PTPRD: variants seen among roughly 807,000 people sequenced by gnomAD.
PTPRD encodes receptor-type tyrosine-protein phosphatase delta.
A neutral mutation model predicts 214.5 loss-of-function variants in PTPRD; 34 were observed. The observed-to-expected ratio is 0.16, with a 90% confidence interval of 0.12 to 0.21. The LOEUF is 0.21. Ranked by LOEUF, PTPRD falls within the 10% of genes least tolerant of loss-of-function variation. The pLI is 1.00. For missense variants in PTPRD, 2,545 were observed against 2,398.7 expected (o/e 1.06, Z -1.27); for synonymous variants, 1,128 against 845.7 (o/e 1.33, Z -5.79).
At chr9:8,659,683 A>G (rs912159359) in intron 12 of PTPRD, among the ~76,000 whole-genome samples, 6 of 152,236 alleles carry the variant, frequency 3.9e-5, no homozygotes, top group Non-Finnish European at 5.9e-5. Context: ...AAAAGGAAGG[A>G]AATCCTTAAA....
chr9:10,330,296 G>T (rs1321451971), intron 3 of PTPRD, among the ~76,000 whole-genome samples: 1 of 151,730 alleles, frequency 6.6e-6, no homozygotes, highest in Non-Finnish European at 1.5e-5. Context: ...GCTGTTAGAG[G>T]AAAAATAATA....
intron 7 of PTPRD, among the ~76,000 whole-genome samples, chr9:9,728,191 G>A (rs533899790): frequency 1.3e-5 from 2 of 152,210 alleles, no homozygotes; most frequent in East Asian, 3.9e-4. Context: ...CTGGAACTGT[G>A]AGCCCATTAA....
At chr9:10,035,352 A>C (rs2097160934) in intron 3 of PTPRD, among the ~76,000 whole-genome samples, 2 of 151,792 alleles carry the variant, frequency 1.3e-5, no homozygotes, top group South Asian at 4.2e-4. Flanking sequence ...TTGTCATAGG[A>C]ATAGTTTGCA....
At chr9:10,585,762 G>C (rs999318964) in intron 2 of PTPRD, among the ~76,000 whole-genome samples, 1 of 151,604 alleles carries the variant, frequency 6.6e-6, no homozygotes, top group Non-Finnish European at 1.5e-5. Context: ...TGTGTGGGGG[G>C]AAAAGGGCCC....
At chr9:8,907,949 C>T (rs1566942758) in intron 11 of PTPRD, among the ~76,000 whole-genome samples, 2 of 152,200 alleles carry the variant, frequency 1.3e-5, no homozygotes, top group East Asian at 3.9e-4. Flanking sequence ...CCAGGAAGCT[C>T]AAGTACCCAC....
In PTPRD at chr9:9,721,043, T is replaced by C. The variant is rs142471628; in HGVS notation, c.-287+13490A>G. On this transcript the variant is annotated intron_variant, in intron 7 of 45. Coordinates refer to ENST00000381196, the MANE Select transcript of PTPRD (RefSeq NM_002839.4). ...AAAAATAACTGTTGGGTACGAGGCT[T>C]AGTACCTAGGTGATAAAATAATCTG... 1.0e-3 allele frequency among the ~76,000 whole-genome samples: 157 copies of C among 152,216 alleles called. 3 individuals are homozygous for C. In the East Asian group the frequency reaches 0.018, roughly 18 times the overall value.
At chr9:9,909,795 G>C (rs10978079) in intron 5 of PTPRD, among the ~76,000 whole-genome samples, 1 of 150,938 alleles carries the variant, frequency 6.6e-6, no homozygotes, top group Non-Finnish European at 1.5e-5. Flanking sequence ...TTTGTCATGA[G>C]CATGCACTAT....
In PTPRD at chr9:8,331,740, T is replaced by C. The variant is rs745643747; in HGVS notation, c.5380-4A>G. ...TTACTGTTCGGGACTGGCCGTCCTT[T>C]AGAAGGAAAGCCACATACCCGGCCG... On this transcript the variant is annotated splice_region_variant and splice_polypyrimidine_tract_variant and intron_variant, in intron 43 of 45. Coordinates refer to ENST00000381196, the MANE Select transcript of PTPRD (RefSeq NM_002839.4). 37 of 1,582,750 alleles carry C rather than the reference T, an allele frequency of 2.3e-5. No individual in the cohort carries two copies. The highest frequency in any genetic ancestry group is 3.2e-5 in the Non-Finnish European group (37 of 1,165,862).
chr9:10,142,927 A>G (rs937641301), intron 3 of PTPRD, among the ~76,000 whole-genome samples: 1 of 151,154 alleles, frequency 6.6e-6, no homozygotes, highest in African/African-American at 2.4e-5. Flanking sequence ...CATATACACC[A>G]TGGAATACTA....
intron 7 of PTPRD, among the ~76,000 whole-genome samples, chr9:9,728,499 A>G (rs548679936): frequency 6.0e-4 from 92 of 152,328 alleles, no homozygotes; most frequent in African/African-American, 2.2e-3. Flanking sequence ...CATTTAAATT[A>G]CTATGGATCC....
intron 3 of PTPRD, among the ~76,000 whole-genome samples, chr9:10,320,592 C>A (rs1313435447): frequency 6.6e-6 from 1 of 151,954 alleles, no homozygotes; most frequent in Non-Finnish European, 1.5e-5. Context: ...CAAAATATAA[C>A]CCTGCAATAT....
intron 5 of PTPRD, among the ~76,000 whole-genome samples, chr9:9,848,442 T>C (rs2059943847): frequency 6.6e-6 from 1 of 152,114 alleles, no homozygotes; most frequent in Non-Finnish European, 1.5e-5. Flanking sequence ...CAAATAGGGA[T>C]AATGACATTT....
At chr9:9,521,309 C>T (rs1233343162) in intron 8 of PTPRD, among the ~76,000 whole-genome samples, 2 of 152,086 alleles carry the variant, frequency 1.3e-5, no homozygotes, top group African/African-American at 2.4e-5. Context: ...TGTTTCAGTC[C>T]CTACTTCTTA....
Position 8,436,649 on chromosome 9 carries a change from T to C in PTPRD, c.4029A>G (p.Ala1343=). ...SHPPIPILEL[A]DHIERLKAND... is the part of the protein sequence containing the mutation. ...TTGCTTTCAATCTTTCAATGTGGTCTGCAAGTTCCAAGATGGGTATTGGAG... is the reference window on the plus strand; with the variant it reads ...TTGCTTTCAATCTTTCAATGTGGTCCGCAAGTTCCAAGATGGGTATTGGAG... Residue 1343 remains alanine (A), a synonymous_variant, in exon 35 of 46, where the codon GCA becomes GCG. Coordinates refer to ENST00000381196, the MANE Select transcript of PTPRD (RefSeq NM_002839.4). 6.2e-7 allele frequency: 1 copy of C among 1,613,608 alleles called. No individual in the cohort carries two copies.
At chr9:9,767,768 T>C (rs761538769) in intron 5 of PTPRD, among the ~76,000 whole-genome samples, 10 of 152,070 alleles carry the variant, frequency 6.6e-5, no homozygotes, top group South Asian at 2.1e-4. Context: ...CCTAAAAAAA[T>C]AGAAGTATAA....
At chr9:9,760,210 A>G (rs565251988) in intron 6 of PTPRD, among the ~76,000 whole-genome samples, 1 of 152,250 alleles carries the variant, frequency 6.6e-6, no homozygotes, top group South Asian at 2.1e-4. Context: ...GCCACATATC[A>G]AAAATACATC....
chr9:10,015,733 G>T (rs748470815), intron 4 of PTPRD, among the ~76,000 whole-genome samples: 3 of 152,070 alleles, frequency 2.0e-5, no homozygotes, highest in Admixed American at 1.3e-4. Context: ...AAGAGGTGGG[G>T]GAACCACAAT....
At chr9:8,475,984 C>G (rs1044205919) in intron 30 of PTPRD, among the ~76,000 whole-genome samples, 12 of 152,198 alleles carry the variant, frequency 7.9e-5, no homozygotes, top group Admixed American at 6.5e-4. Flanking sequence ...AATGGATCCT[C>G]ATTTCTCTTA....
At chr9:10,310,695 G>T (rs1363567510) in intron 3 of PTPRD, among the ~76,000 whole-genome samples, 2 of 152,088 alleles carry the variant, frequency 1.3e-5, no homozygotes, top group Non-Finnish European at 2.9e-5. Flanking sequence ...AAACTCTATT[G>T]TCTCCTTTTG....
Sources: gnomAD v4.1 joint callset for allele counts (sites outside exome capture counted in the v4.1 genomes callset) on GRCh38, gnomAD v4.1.1 for gene constraint, MANE v1.5 for transcripts, NCBI Gene and HGNC (gene_info 2026-07-23, HGNC 2026-07-21) for gene names.